Variants in CDH18 observed in about 807,000 individuals in gnomAD.
CDH18 encodes cadherin-18.
CDH18 carries 31 observed loss-of-function variants against 67.9 expected under a neutral mutation model. The observed-to-expected ratio is 0.46, with a 90% CI of 0.34 to 0.62. The LOEUF (loss-of-function observed/expected upper bound fraction) is 0.62. Ranked by LOEUF, CDH18 falls within the 20% of genes least tolerant of loss-of-function variation. CDH18 has a pLI of 0.01. For synonymous variants in CDH18, 362 were observed against 347.2 expected (o/e 1.04, Z -0.48); for missense variants, 890 against 975.5 (o/e 0.91, Z 1.17).
chr5:19,793,347 G>T (rs2149821004), intron 3 of CDH18, among the ~76,000 whole-genome samples: 1 of 152,184 alleles, frequency 6.6e-6, no homozygotes, highest in African/African-American at 2.4e-5. Flanking sequence ...CATTAAAGCA[G>T]TTGTATGGAA....
intron 2 of CDH18, among the ~76,000 whole-genome samples, chr5:20,105,740 T>A (rs2150583344): frequency 6.6e-6 from 1 of 152,348 alleles, no homozygotes; most frequent in East Asian, 1.9e-4. Flanking sequence ...GTTGCATGTC[T>A]CAGATATTCA....
chr5:20,293,641 T>G, intron 1 of CDH18, among the ~76,000 whole-genome samples: 1 of 152,192 alleles, frequency 6.6e-6, no homozygotes, highest in Admixed American at 6.5e-5. Flanking sequence ...TGAATTAAAA[T>G]TACACATGCA....
intron 1 of CDH18, among the ~76,000 whole-genome samples, chr5:20,383,353 T>A (rs188755986): frequency 6.6e-6 from 1 of 152,294 alleles, no homozygotes; most frequent in East Asian, 1.9e-4. Context: ...TTTGTCACTG[T>A]CCATATGCTG....
intron 2 of CDH18, among the ~76,000 whole-genome samples, chr5:19,955,704 TA>T (rs574619463): frequency 6.7e-4 from 101 of 151,352 alleles, no homozygotes; most frequent in African/African-American, 2.1e-3. Flanking sequence ...ATAGCAAAGT[TA>T]AAAAAAATAG....
intron 4 of CDH18, among the ~76,000 whole-genome samples, chr5:19,728,460 G>C (rs1641189045): frequency 6.6e-6 from 1 of 152,116 alleles, no homozygotes; most frequent in South Asian, 2.1e-4. Flanking sequence ...ATGCCTTCAA[G>C]ATATCTTTTC....
In CDH18 at chr5:19,885,653, C is replaced by G. The variant is rs553911857; in HGVS notation, c.-256-46411G>C. Among the ~76,000 whole-genome samples, 20 of 152,200 alleles carry G rather than the reference C, an allele frequency of 1.3e-4. No individual in the cohort carries two copies. In the East Asian group the frequency reaches 3.5e-3, roughly 26 times the overall value. ...ATAGCTCACTGCAGCCTAGAGCTTC[C>G]GGGCTCAAGTAATCCTCCTGTTTCA... On this transcript the variant is annotated intron_variant, in intron 2 of 12. Transcript: ENST00000382275.
intron 8 of CDH18, among the ~76,000 whole-genome samples, chr5:19,566,877 A>G (rs1278445194): frequency 2.0e-5 from 3 of 152,228 alleles, no homozygotes; most frequent in Non-Finnish European, 4.4e-5. Flanking sequence ...TGTGGTACAT[A>G]TGCACAATAC....
At chr5:20,135,484 CTTCT>C (rs1280356369) in intron 2 of CDH18, among the ~76,000 whole-genome samples, 3 of 151,908 alleles carry the variant, frequency 2.0e-5, no homozygotes, top group African/African-American at 7.2e-5. Flanking sequence ...TCTCCTTTTT[CTTCT>C]TTATTAGTCT....
chr5:20,380,557 T>C (rs1002492791), intron 1 of CDH18, among the ~76,000 whole-genome samples: 10 of 152,156 alleles, frequency 6.6e-5, no homozygotes, highest in African/African-American at 2.2e-4. Flanking sequence ...ACCTAAAGCA[T>C]GAAAACAAAC....
At chr5:19,535,649 C>T (rs1247928143) in intron 9 of CDH18, among the ~76,000 whole-genome samples, 6 of 151,586 alleles carry the variant, frequency 4.0e-5, no homozygotes, top group Admixed American at 1.3e-4. Context: ...GCATGAGAGT[C>T]GAGAAAAAAA....
In CDH18 at chr5:20,349,944, G is replaced by A. The variant is rs1336646612; in HGVS notation, c.-579-94439C>T. 1.3e-5 allele frequency among the ~76,000 whole-genome samples: 2 copies of A among 152,106 alleles called. 1 individual carries two copies. The highest frequency in any genetic ancestry group is 4.1e-4 in the South Asian group (2 of 4,832). On this transcript the variant is annotated intron_variant, in intron 1 of 14. Coordinates refer to the CDH18 transcript ENST00000507958. The stretch of plus-strand genomic sequence containing the variant: ...CAGCAGTTTGCATTGTTTTAAAGAT[G>A]ATGTCACAGTTGGCCAAGGTCAAGA...
At chr5:19,574,233 A>G (rs1022642494) in intron 7 of CDH18, among the ~76,000 whole-genome samples, 5 of 152,002 alleles carry the variant, frequency 3.3e-5, no homozygotes, top group African/African-American at 9.7e-5. Flanking sequence ...TAACCTACCT[A>G]CTGCTACGGT....
intron 5 of CDH18, among the ~76,000 whole-genome samples, chr5:19,648,580 ATC>A (rs978881626): frequency 7.3e-5 from 11 of 150,970 alleles, no homozygotes; most frequent in Non-Finnish European, 8.9e-5. Context: ...AATTAATTCT[ATC>A]TCTTTTTTTT....
At chr5:19,815,179 T>C (rs1030089988) in intron 3 of CDH18, among the ~76,000 whole-genome samples, 10 of 152,086 alleles carry the variant, frequency 6.6e-5, no homozygotes, top group Admixed American at 5.9e-4. Context: ...TGGAGGACTG[T>C]ATCTAAATAG....
intron 7 of CDH18, among the ~76,000 whole-genome samples, chr5:19,576,217 A>G (rs565946936): frequency 6.6e-6 from 1 of 152,300 alleles, no homozygotes; most frequent in African/African-American, 2.4e-5. Flanking sequence ...ACTAAAAAAA[A>G]TAGGCAAAGT....
intron 1 of CDH18, among the ~76,000 whole-genome samples, chr5:20,313,063 G>A (rs989651043): frequency 1.3e-5 from 2 of 152,008 alleles, no homozygotes; most frequent in African/African-American, 2.4e-5. Flanking sequence ...CAATGGATAC[G>A]CTCTTGGTAA....
At chr5:20,212,276 A>G (rs1740414331) in intron 2 of CDH18, among the ~76,000 whole-genome samples, 1 of 152,144 alleles carries the variant, frequency 6.6e-6, no homozygotes, top group Non-Finnish European at 1.5e-5. Context: ...ATATGGGACT[A>G]TGTGAAAAGA....
intron 3 of CDH18, among the ~76,000 whole-genome samples, chr5:19,799,294 G>C (rs894880406): frequency 6.6e-6 from 1 of 152,048 alleles, no homozygotes; most frequent in African/African-American, 2.4e-5. Context: ...GAAGTGTTTT[G>C]TTCAATGGGT....
chr5:19,476,334 T>G (rs971817912), intron 12 of CDH18, among the ~76,000 whole-genome samples: 1 of 152,088 alleles, frequency 6.6e-6, no homozygotes, highest in African/African-American at 2.4e-5. Flanking sequence ...AAATGAAATG[T>G]TGGTGCTACA....
Sources: gnomAD v4.1 joint callset for allele counts (sites outside exome capture counted in the v4.1 genomes callset) on GRCh38, gnomAD v4.1.1 for gene constraint, MANE v1.5 for transcripts, NCBI Gene and HGNC (gene_info 2026-07-23, HGNC 2026-07-21) for gene names.